Variants in MYH7B observed in about 807,000 individuals in gnomAD.
The protein encoded by MYH7B is myosin-7B.
In MYH7B, 205 loss-of-function variants were observed where a neutral mutation model predicts 234.5. That is an observed-to-expected ratio of 0.87 (90% CI 0.78 to 0.98). The LOEUF (loss-of-function observed/expected upper bound fraction) is 0.98, where lower values mean the gene tolerates loss of function less well. Among genes scored for constraint, MYH7B ranks in the 50% least tolerant of loss-of-function variants. The probability of loss-of-function intolerance (pLI) is 0.00; values close to 1 mark genes in which losing one functional copy is unlikely to be tolerated. For synonymous variants in MYH7B, 1,193 were observed against 1,105.0 expected (o/e 1.08, Z -1.58); for missense variants, 2,652 against 2,633.4 (o/e 1.01, Z -0.15).
intron 2 of MYH7B, among the ~76,000 whole-genome samples, chr20:34,969,813 G>T (rs1262314405): frequency 9.2e-5 from 14 of 151,756 alleles, no homozygotes; most frequent in Admixed American, 5.9e-4. Flanking sequence ...CCAAAGTGCT[G>T]GGATTACAGG....
chr20:34,976,402 C>G (rs957939908), intron 3 of MYH7B, among the ~76,000 whole-genome samples: 2 of 152,208 alleles, frequency 1.3e-5, no homozygotes. Flanking sequence ...CTCCATTGTT[C>G]CATGTGTCTG....
rs199858452 is a variant in MYH7B at position 34,989,823 on chromosome 20, C to A, written c.1671C>A (p.Asp557Glu). Residue 557 changes from aspartate (D) to glutamate (E), a missense_variant, in exon 20 of 45, where the codon GAC becomes GAA. Physicochemically the swap from Asp to Glu is conservative, Grantham distance 45. Around this residue, in one of 3 missense-constraint regions of MYH7B, gnomAD observed 2,279 missense variants for 2,211.4 expected, o/e 1.03. Coordinates refer to ENST00000262873, the Ensembl canonical transcript of MYH7B. ...CCAGCTTCCGGGCCAAGCTCTACGA[C>A]AACCACGCGGGGAAGTCACCCAATT... 5.3e-4 allele frequency: 848 copies of A among 1,614,214 alleles called. 1 individual carries two copies. The highest frequency in any genetic ancestry group is 6.7e-4 in the Admixed American group (40 of 60,030).
chr20:34,998,655 G>T (rs779311844), intron 34 of MYH7B, 26 bp downstream of exon 34: 1 of 1,612,602 alleles, frequency 6.2e-7, no homozygotes, highest in Non-Finnish European at 8.5e-7. Context: ...TGACCATGGA[G>T]TGGGCAGGTG....
At chr20:34,994,763 G>A (rs1235626848) in intron 27 of MYH7B, among the ~76,000 whole-genome samples, 1 of 152,220 alleles carries the variant, frequency 6.6e-6, no homozygotes, top group Non-Finnish European at 1.5e-5. Context: ...CAGATCAAAG[G>A]TCTGGAATCT....
At chr20:35,001,320 G>A (rs1438801397) in exon 42 of MYH7B, 1 of 1,611,906 alleles carries the variant, frequency 6.2e-7, no homozygotes, top group Non-Finnish European at 8.5e-7. Context: ...GCGCAAGCAT[G>A]AGCGCCGTGT....
chr20:34,977,899 C>A (rs760234934), intron 4 of MYH7B, 35 bp from the exon 5 acceptor site: 2 of 1,611,494 alleles, frequency 1.2e-6, no homozygotes, highest in South Asian at 2.2e-5. Context: ...GGGATCGTGC[C>A]CTAGTTCAGC....
exon 24 of MYH7B, chr20:34,991,107 C>G: frequency 1.2e-6 from 2 of 1,609,638 alleles, no homozygotes; most frequent in Non-Finnish European, 1.7e-6. Context: ...TGCTCTACAC[C>G]GACTTCCGGC....
At position 34,990,227 on chromosome 20, in the gene MYH7B, C is replaced by G. The variant is rs772083171; in HGVS notation, c.1901-7C>G. On this transcript the variant is annotated splice_polypyrimidine_tract_variant and splice_region_variant and intron_variant, in intron 21 of 44. Transcript: ENST00000262873. ...CCTGGAGTGACCAGGCCCCTTGTCTCTATTAGCTGAGCCCCCCAAGTCTGG... is the reference window on the plus strand; with the variant it reads ...CCTGGAGTGACCAGGCCCCTTGTCTGTATTAGCTGAGCCCCCCAAGTCTGG... The G allele has an allele frequency of 6.2e-7, 1 of 1,614,128 alleles. No homozygotes were observed. The highest frequency in any genetic ancestry group is 8.5e-7 in the Non-Finnish European group (1 of 1,180,030).
At chr20:34,986,850 C>A (rs1242137239) in intron 14 of MYH7B, 36 bp from the exon 15 acceptor site, 1 of 1,557,994 alleles carries the variant, frequency 6.4e-7, no homozygotes, top group South Asian at 1.1e-5. Context: ...CCGGTAAGCA[C>A]TGCCTGACCC....
In MYH7B at chr20:34,979,374, T is replaced by C. The variant is rs766650417; in HGVS notation, c.92-16T>C. ...CTCAGCCCCTCTCTGAGTCCAGAGC[T>C]CTCTCTGCAACCCAGGGAAGAAGCG... On this transcript the variant is annotated splice_polypyrimidine_tract_variant and intron_variant, in intron 5 of 44. Coordinates refer to ENST00000262873, the Ensembl canonical transcript of MYH7B. 6.3e-7 allele frequency: 1 copy of C among 1,599,348 alleles called. No homozygotes were observed. Among genetic ancestry groups the C allele is most frequent in the Non-Finnish European group, 8.5e-7 (1 of 1,169,928 alleles).
exon 16 of MYH7B, chr20:34,987,174 G>A: frequency 6.2e-7 from 1 of 1,613,410 alleles, no homozygotes; most frequent in Non-Finnish European, 8.5e-7. Context: ...CTAGGCTTCA[G>A]CGTGGATGAG....
chr20:34,959,298 C>T (rs2081669686), intron 2 of MYH7B, among the ~76,000 whole-genome samples: 1 of 152,160 alleles, frequency 6.6e-6, no homozygotes, highest in Admixed American at 6.5e-5. Context: ...TGGATCCTCA[C>T]TCCCTGGCAA....
At chr20:34,999,096 G>T (rs368451045) in exon 36 of MYH7B, 15 of 1,613,140 alleles carry the variant, frequency 9.3e-6, no homozygotes, top group Non-Finnish European at 1.3e-5. Context: ...AGAGGAGGGC[G>T]TGGAGGCTGC....
intron 28 of MYH7B, among the ~76,000 whole-genome samples, chr20:34,996,144 TG>T (rs1329760346): frequency 1.3e-5 from 2 of 152,206 alleles, no homozygotes; most frequent in African/African-American, 4.8e-5. Context: ...TGCTGAGCAC[TG>T]CGGGTGCATC....
chr20:34,980,383 T>C lies in MYH7B; in HGVS notation c.343-195T>C, dbSNP rs2081923735. ...GGCCAACATGGTGAAACCCCGTCTG[T>C]ACTAAAAATACAAAAATTAGCCGGT... On this transcript the variant is annotated intron_variant, in intron 7 of 44. Transcript: ENST00000262873. The C allele has an allele frequency of 7.1e-6, 4 of 566,874 alleles. No individual in the cohort carries two copies. The Admixed American group carries it at 8.9e-5, about 13-fold the overall frequency. The allele number at this position is 566,874 out of a possible 1,614,324, so 35.1% of individuals were successfully genotyped here.
chr20:34,994,410 G>C lies in MYH7B; in HGVS notation c.2700+9G>C. On this transcript the variant is annotated intron_variant, in intron 27 of 44. Coordinates refer to ENST00000262873, the Ensembl canonical transcript of MYH7B. Reference sequence around the variant, plus strand: ...CCCTGCAGCTGCAGGCTGTGAGTCAGGGTTCCCCTTGTGACCGGGCGTCCC... The same window carrying C: ...CCCTGCAGCTGCAGGCTGTGAGTCACGGTTCCCCTTGTGACCGGGCGTCCC... 1 of 1,563,782 alleles carries C rather than the reference G, an allele frequency of 6.4e-7. No individual in the cohort carries two copies. Among genetic ancestry groups the C allele is most frequent in the Non-Finnish European group, 8.7e-7 (1 of 1,155,370 alleles).
intron 2 of MYH7B, among the ~76,000 whole-genome samples, chr20:34,973,631 T>C (rs978662725): frequency 1.3e-5 from 2 of 152,242 alleles, no homozygotes; most frequent in Non-Finnish European, 2.9e-5. Context: ...GCTGATGGGC[T>C]GAGATGGTGA....
chr20:34,987,457 C>A (rs1356869133), intron 16 of MYH7B, 100 bp from the exon 17 acceptor site: 2 of 1,404,100 alleles, frequency 1.4e-6, no homozygotes, highest in East Asian at 2.3e-5. Context: ...CTGAACTTGA[C>A]CCCTCTTAAC....
chr20:34,999,183 G>A, exon 36 of MYH7B: 2 of 1,613,552 alleles, frequency 1.2e-6, no homozygotes, highest in East Asian at 2.2e-5. Flanking sequence ...CCTGGAGCTG[G>A]AGCGGGCGAC....
Sources: allele counts gnomAD v4.1 joint callset (sites outside exome capture counted in the v4.1 genomes callset), GRCh38; gene constraint gnomAD v4.1.1; regional missense constraint gnomAD v4.1.1; transcripts MANE v1.5; gene names NCBI Gene and HGNC (gene_info 2026-07-23, HGNC 2026-07-21).